MRTFA: variants seen among roughly 807,000 people sequenced by gnomAD.
The protein encoded by MRTFA is myocardin-related transcription factor A.
MRTFA carries 20 observed loss-of-function variants against 83.5 expected under a neutral mutation model. That is an observed-to-expected ratio of 0.24 (90% CI 0.17 to 0.35). The LOEUF (loss-of-function observed/expected upper bound fraction) is 0.35, where lower values mean the gene tolerates loss of function less well. Ranked by LOEUF, MRTFA falls within the 10% of genes least tolerant of loss-of-function variation. The pLI, the probability that MRTFA is intolerant of heterozygous loss-of-function variation, is 1.00. For missense variants in MRTFA, 1,200 were observed against 1,224.7 expected (o/e 0.98, Z 0.30); for synonymous variants, 659 against 541.2 (o/e 1.22, Z -3.02).
chr22:40,534,996 T>A (rs537044349), intron 3 of MRTFA, among the ~76,000 whole-genome samples: 1 of 152,278 alleles, frequency 6.6e-6, no homozygotes, highest in African/African-American at 2.4e-5. Flanking sequence ...TGAGGGAGAC[T>A]CAGTACAAGA....
At chr22:40,622,534 CAAGAG>C (rs1259295056) in intron 1 of MRTFA, among the ~76,000 whole-genome samples, 1 of 150,788 alleles carries the variant, frequency 6.6e-6, no homozygotes, top group Non-Finnish European at 1.5e-5. Context: ...TATGTCCTTA[CAAGAG>C]AAGAGGGAGG....
intron 2 of MRTFA, among the ~76,000 whole-genome samples, chr22:40,593,505 A>G (rs2056149439): frequency 6.6e-6 from 1 of 152,224 alleles, no homozygotes; most frequent in South Asian, 2.1e-4. Context: ...AAAGTAGAAC[A>G]ATAGAAAAAA....
chr22:40,580,833 G>C (rs527781378), intron 2 of MRTFA, among the ~76,000 whole-genome samples: 2 of 151,972 alleles, frequency 1.3e-5, no homozygotes, highest in Non-Finnish European at 2.9e-5. Context: ...GGCTACACTG[G>C]AACTCCTGGG....
At chr22:40,461,628 CAAAAAAAAA>C (rs71199287) in intron 4 of MRTFA, among the ~76,000 whole-genome samples, 66 of 100,356 alleles carry the variant, frequency 6.6e-4, no homozygotes, top group Middle Eastern at 9.7e-3. Flanking sequence ...ACTAAAAATA[CAAAAAAAAA>C]AAAAAAAAAA....
At position 40,411,809 on chromosome 22, in the gene MRTFA, G is replaced by A. The variant is rs1324558590; in HGVS notation, c.2677C>T (p.Pro893Ser). Residue 893 changes from proline (P) to serine (S), a missense_variant, in exon 15 of 15, where the codon CCT becomes TCT. Physicochemically the swap from Pro to Ser is moderately conservative, Grantham distance 74. Coordinates refer to ENST00000355630, the MANE Select transcript of MRTFA (RefSeq NM_020831.6). ...GCAGCCTGGGGGAGCTCAGCAGAAGGTGATGGCTGTGCTGCCAGGGGGGAC... is the reference window on the plus strand; with the variant it reads ...GCAGCCTGGGGGAGCTCAGCAGAAGATGATGGCTGTGCTGCCAGGGGGGAC... 3 of 1,521,756 alleles carry A rather than the reference G, an allele frequency of 2.0e-6. No individual in the cohort carries two copies. Among genetic ancestry groups the A allele is most frequent in the Non-Finnish European group, 2.7e-6 (3 of 1,131,154 alleles). The allele number at this position is 1,521,756 out of a possible 1,614,324, so 94.3% of individuals were successfully genotyped here. A position where few individuals can be genotyped will look rare whatever the true frequency, so the allele number is the denominator to read the frequency against.
At chr22:40,488,326 C>G (rs2054207509) in intron 3 of MRTFA, among the ~76,000 whole-genome samples, 1 of 152,158 alleles carries the variant, frequency 6.6e-6, no homozygotes, top group Non-Finnish European at 1.5e-5. Context: ...AGAAGGAAGG[C>G]TGACTAGGGT....
At chr22:40,520,842 T>C (rs1040155939) in intron 3 of MRTFA, among the ~76,000 whole-genome samples, 1 of 152,188 alleles carries the variant, frequency 6.6e-6, no homozygotes, top group South Asian at 2.1e-4. Flanking sequence ...TTTTTAGCTA[T>C]TTTGAAAAAG....
At chr22:40,540,683 G>A (rs1486407484) in intron 3 of MRTFA, among the ~76,000 whole-genome samples, 1 of 151,350 alleles carries the variant, frequency 6.6e-6, no homozygotes, top group African/African-American at 2.4e-5. Flanking sequence ...GGGAGGCTGA[G>A]GCAGAATTGC....
At chr22:40,581,651 C>T (rs2055948923) in intron 2 of MRTFA, among the ~76,000 whole-genome samples, 1 of 152,042 alleles carries the variant, frequency 6.6e-6, no homozygotes, top group South Asian at 2.1e-4. Flanking sequence ...AATATATATA[C>T]AACTTATTCC....
At chr22:40,459,822 C>CATATATATAT (rs1284924516) in intron 4 of MRTFA, among the ~76,000 whole-genome samples, 25 of 68,214 alleles carry the variant, frequency 3.7e-4, no homozygotes, top group African/African-American at 5.8e-4. Flanking sequence ...CACACACACA[C>CATATATATAT]ATATATACAT....
intron 2 of MRTFA, among the ~76,000 whole-genome samples, chr22:40,566,743 G>C (rs2055709359): frequency 6.6e-6 from 1 of 152,204 alleles, no homozygotes; most frequent in African/African-American, 2.4e-5. Flanking sequence ...TGAAGCAGGA[G>C]AATCACTTGA....
intron 3 of MRTFA, chr22:40,533,846 A>T (rs1265889038): frequency 5.3e-6 from 2 of 379,216 alleles, no homozygotes; most frequent in Non-Finnish European, 4.7e-6. Context: ...GCCGACAGGA[A>T]ACCAAAAAGC....
rs755592193 is a variant in MRTFA at position 40,419,149 on chromosome 22, T to G, written c.1589A>C (p.Glu530Ala). The G allele has an allele frequency of 3.2e-6, 5 of 1,585,404 alleles. No individual in the cohort carries two copies. Among genetic ancestry groups the G allele is most frequent in the Non-Finnish European group, 4.3e-6 (5 of 1,165,714 alleles). ...GCTGGCCACCGTGGCCACCACCACCTCAGCTGGAGCCAGGCCTGCTGCCAC... is the reference window on the plus strand; with the variant it reads ...GCTGGCCACCGTGGCCACCACCACCGCAGCTGGAGCCAGGCCTGCTGCCAC... Residue 530 changes from glutamate to alanine, a missense_variant, in exon 12 of 15, where the codon GAG (glutamate) becomes GCG (alanine). Coordinates refer to ENST00000355630, the MANE Select transcript of MRTFA (RefSeq NM_020831.6).
At chr22:40,587,653 G>T in intron 2 of MRTFA, 1 of 314,456 alleles carries the variant, frequency 3.2e-6, no homozygotes, top group Non-Finnish European at 6.3e-6. Context: ...TTTGGATTGT[G>T]TTCACTCTAC....
intron 3 of MRTFA, among the ~76,000 whole-genome samples, chr22:40,506,737 C>A (rs2054586363): frequency 6.6e-6 from 1 of 152,112 alleles, no homozygotes; most frequent in Non-Finnish European, 1.5e-5. Context: ...TTTCTATATA[C>A]CATGTCTCTA....
chr22:40,493,428 C>T lies in MRTFA; in HGVS notation c.242-30142G>A, dbSNP rs532873485. Among the ~76,000 whole-genome samples, 7 of 152,296 alleles carry T rather than the reference C, an allele frequency of 4.6e-5. No individual in the cohort carries two copies. In the East Asian group the frequency reaches 1.2e-3, roughly 25 times the overall value. On this transcript the variant is annotated intron_variant, in intron 3 of 14. Transcript: ENST00000355630. ...AATCAAAAGTGTCACAATCATCTGCCATGACCTCTACTCACAGGGCCAACA... is the reference window on the plus strand; with the variant it reads ...AATCAAAAGTGTCACAATCATCTGCTATGACCTCTACTCACAGGGCCAACA...
chr22:40,450,636 A>G (rs914011126), intron 4 of MRTFA, among the ~76,000 whole-genome samples: 19 of 118,688 alleles, frequency 1.6e-4, no homozygotes, highest in African/African-American at 5.9e-4. Context: ...TTTTTTTTTT[A>G]AAGTAGAAAC....
intron 2 of MRTFA, among the ~76,000 whole-genome samples, chr22:40,568,249 T>G (rs1355446878): frequency 1.3e-5 from 2 of 152,230 alleles, no homozygotes; most frequent in Non-Finnish European, 2.9e-5. Context: ...CAATTACACT[T>G]TAATTATAAA....
chr22:40,528,636 C>G (rs1228281035), intron 3 of MRTFA, among the ~76,000 whole-genome samples: 6 of 150,822 alleles, frequency 4.0e-5, no homozygotes, highest in Non-Finnish European at 7.4e-5. Context: ...ACTCAGGAGG[C>G]TGAGGCAGGA....
Sources: allele counts gnomAD v4.1 joint callset (sites outside exome capture counted in the v4.1 genomes callset), GRCh38; gene constraint gnomAD v4.1.1; transcripts MANE v1.5; gene names NCBI Gene and HGNC (gene_info 2026-07-23, HGNC 2026-07-21).